Variants in F8 observed in about 807,000 individuals in gnomAD.
F8 encodes antihemophilic factor.
In F8, 12 loss-of-function variants were observed where a neutral mutation model predicts 140.6. The ratio of observed to expected loss-of-function variants is 0.09; its 90% CI spans 0.05 to 0.14. F8 has a LOEUF of 0.14. F8 is among the 10% of genes least tolerant of loss of function. The pLI, the probability that F8 is intolerant of heterozygous loss-of-function variation, is 1.00. For missense variants in F8, 1,354 were observed against 1,720.7 expected, an observed-to-expected ratio of 0.79 and a Z score of 3.77; for synonymous variants, 585 against 614.6, an observed-to-expected ratio of 0.95 and a Z score of 0.71.
intron 25 of F8, among the ~76,000 whole-genome samples, chrX:154,854,471 C>T (rs1557272352): frequency 9.0e-6 from 1 of 111,730 alleles, no homozygotes; most frequent in Non-Finnish European, 1.9e-5. Context: ...CTTTCTGGGT[C>T]TGTAGCCTGC....
chrX:154,864,398 G>A (rs2072716998), intron 22 of F8, among the ~76,000 whole-genome samples: 1 of 112,639 alleles, frequency 8.9e-6, no homozygotes. Flanking sequence ...AGATACCAAT[G>A]CTAGGCTATG....
intron 13 of F8, among the ~76,000 whole-genome samples, chrX:154,939,432 T>A (rs184006343): frequency 8.9e-6 from 1 of 112,517 alleles, no homozygotes; most frequent in Admixed American, 9.3e-5. Context: ...CACAGCAGTC[T>A]GAGATCAAAC....
At chrX:154,965,571 C>T (rs2073419172) in intron 9 of F8, among the ~76,000 whole-genome samples, 1 of 111,355 alleles carries the variant, frequency 9.0e-6, no homozygotes, top group Non-Finnish European at 1.9e-5. Context: ...TCCTCCCCTT[C>T]CTCCCATCCT....
chrX:155,013,101 G>A (rs1418742061), intron 1 of F8, among the ~76,000 whole-genome samples: 32 of 89,542 alleles, frequency 3.6e-4, no homozygotes, highest in African/African-American at 1.3e-3. Flanking sequence ...AGCCGAGATC[G>A]CACCACTGCA....
chrX:154,888,408 C>CTTTTTTTTTTTTTTTTTTTTTT (rs1557274896), intron 22 of F8, among the ~76,000 whole-genome samples: 4 of 53,365 alleles, frequency 7.5e-5, no homozygotes, highest in Non-Finnish European at 1.3e-4. Context: ...TTTTTTTTTC[C>CTTTTTTTTTTTTTTTTTTTTTT]CCCCGAGATG....
chrX:154,976,437 A>T (rs1157919324), intron 6 of F8, among the ~76,000 whole-genome samples: 1 of 109,606 alleles, frequency 9.1e-6, no homozygotes, highest in Non-Finnish European at 1.9e-5. Flanking sequence ...TTTTATTTTT[A>T]TTATACTTTA....
intron 21 of F8, among the ~76,000 whole-genome samples, chrX:154,898,591 A>G (rs1188642714): frequency 8.9e-6 from 1 of 112,212 alleles, no homozygotes; most frequent in Non-Finnish European, 1.9e-5. Context: ...TAACCTCTCT[A>G]TGCTTCAATT....
At chrX:154,870,089 G>A (rs2072760871) in intron 22 of F8, among the ~76,000 whole-genome samples, 1 of 111,800 alleles carries the variant, frequency 8.9e-6, no homozygotes, top group African/African-American at 3.3e-5. Flanking sequence ...AGGACCAGAC[G>A]GATTCACAGA....
chrX:155,012,680 C>CCTATTAAAAATAGCCCTATT (rs1435750029), intron 1 of F8, among the ~76,000 whole-genome samples: 4 of 109,214 alleles, frequency 3.7e-5, no homozygotes, highest in African/African-American at 1.3e-4. Context: ...TAGCCCTTTA[C>CCTATTAAAAATAGCCCTATT]CTATTAAAAA....
Position 154,934,782 on chromosome X carries a change from T to C in F8, c.2114-3106A>G, listed in dbSNP as rs180700741. ...TTGATATTAATATATCTACATAAACTTTCTGCGAAAAGTTTATTTAGAACA... is the reference window on the plus strand; with the variant it reads ...TTGATATTAATATATCTACATAAACCTTCTGCGAAAAGTTTATTTAGAACA... On this transcript the variant is annotated intron_variant, in intron 13 of 25. Transcript: ENST00000360256. 1.8e-4 allele frequency among the ~76,000 whole-genome samples: 20 copies of C among 111,554 alleles called. No homozygotes were observed. In the Admixed American group the frequency reaches 1.9e-3, roughly 11 times the overall value.
rs7058826 is a variant in F8 at position 154,966,714 on chromosome X, C to T, written c.1010-27G>A. 0.14 allele frequency: 173,051 copies of T among 1,204,928 alleles called. 9,109 individuals carry two copies. The highest frequency in any genetic ancestry group is 0.16 in the Non-Finnish European group (139,515 of 892,711). Reference sequence around the variant, plus strand: ...TGGAGTCAGACAAACCAAACAATGTCAGAGTGTCTTGCTATATTAGGCTGT... The same window carrying T: ...TGGAGTCAGACAAACCAAACAATGTTAGAGTGTCTTGCTATATTAGGCTGT... On this transcript the variant is annotated intron_variant, in intron 7 of 25. Transcript: ENST00000360256.
chrX:154,990,915 C>T (rs2073584205), intron 4 of F8, among the ~76,000 whole-genome samples: 1 of 111,960 alleles, frequency 8.9e-6, no homozygotes, highest in Non-Finnish European at 1.9e-5. Context: ...CATCTATAAA[C>T]TTTCCAGTTC....
intron 14 of F8, among the ~76,000 whole-genome samples, chrX:154,907,387 G>C (rs1169372261): frequency 9.0e-6 from 1 of 111,417 alleles, no homozygotes; most frequent in Admixed American, 9.6e-5. Context: ...ATAATCTTTG[G>C]CACTTTCATA....
chrX:154,918,195 T>G (rs1363006715), intron 14 of F8, among the ~76,000 whole-genome samples: 2 of 111,627 alleles, frequency 1.8e-5, no homozygotes, highest in Non-Finnish European at 3.8e-5. Context: ...TTACTGCCTA[T>G]TCCCGATTTG....
chrX:154,987,485 G>A (rs1360796999), intron 4 of F8, among the ~76,000 whole-genome samples, 180 bp from the exon 5 acceptor site: 1 of 112,120 alleles, frequency 8.9e-6, no homozygotes, highest in Admixed American at 9.4e-5. Context: ...AAACTATCTG[G>A]AGCAAAGAAT....
intron 25 of F8, among the ~76,000 whole-genome samples, chrX:154,839,958 T>C (rs1404123799): frequency 8.9e-6 from 1 of 112,525 alleles, no homozygotes; most frequent in Non-Finnish European, 1.9e-5. Flanking sequence ...TCTGAGATTA[T>C]TTTACAAATG....
chrX:154,938,320 C>G (rs1238841836), intron 13 of F8, among the ~76,000 whole-genome samples: 2 of 111,506 alleles, frequency 1.8e-5, no homozygotes, highest in Non-Finnish European at 3.8e-5. Flanking sequence ...ATGGCAAAGA[C>G]AACAGTGCAA....
intron 20 of F8, 102 bp from the exon 21 acceptor site, chrX:154,900,053 G>T (rs1173852876): frequency 7.4e-6 from 5 of 673,028 alleles, no homozygotes; most frequent in Non-Finnish European, 1.1e-5. Context: ...AAGCTGTGGT[G>T]AAAATAGAGA....
At chrX:154,994,351 A>G (rs1442965702) in intron 3 of F8, among the ~76,000 whole-genome samples, 4 of 112,284 alleles carry the variant, frequency 3.6e-5, no homozygotes, top group Non-Finnish European at 7.5e-5. Context: ...AAATGACACT[A>G]GCACACCTGA....
Sources: allele counts gnomAD v4.1 joint callset (sites outside exome capture counted in the v4.1 genomes callset), GRCh38; gene constraint gnomAD v4.1.1; transcripts MANE v1.5; gene names NCBI Gene and HGNC (gene_info 2026-07-23, HGNC 2026-07-21).